SGPP2: variants seen among roughly 807,000 people sequenced by gnomAD.
SGPP2 encodes sphingosine-1-phosphate phosphatase 2, also known as sphingosine 1-phosphate phosphohydrolase 2.
In SGPP2, 30 loss-of-function variants were observed where a neutral mutation model predicts 33.9. The ratio of observed to expected loss-of-function variants is 0.89; its 90% confidence interval spans 0.66 to 1.20. The LOEUF (loss-of-function observed/expected upper bound fraction) is 1.20. SGPP2 is among the 50% of genes most tolerant of loss of function. The probability of loss-of-function intolerance (pLI) is 0.00; values close to 1 mark genes in which losing one functional copy is unlikely to be tolerated. For synonymous variants in SGPP2, 233 were observed against 225.0 expected (o/e 1.04, Z -0.32); for missense variants, 458 against 532.1 (o/e 0.86, Z 1.37).
At chr2:222,502,261 G>A (rs982304941) in intron 2 of SGPP2, among the ~76,000 whole-genome samples, 11 of 152,234 alleles carry the variant, frequency 7.2e-5, no homozygotes, top group Admixed American at 3.9e-4. Flanking sequence ...TCCCCTTCTT[G>A]TTACATCTAT....
intron 1 of SGPP2, among the ~76,000 whole-genome samples, chr2:222,468,847 A>G (rs565949694): frequency 2.6e-5 from 4 of 152,340 alleles, no homozygotes; most frequent in East Asian, 3.9e-4. Flanking sequence ...TAATACTCCA[A>G]TATCAGCAAG....
At position 222,460,444 on chromosome 2, in the gene SGPP2, C is replaced by G. The variant is rs1272527903; in HGVS notation, c.220-14124C>G. Reference sequence around the variant, plus strand: ...CGACATAAGCGGTTGAGCTTCATGGCAATATGTCTGTGACTTCTCCTTAAG... The same window carrying G: ...CGACATAAGCGGTTGAGCTTCATGGGAATATGTCTGTGACTTCTCCTTAAG... On this transcript the variant is annotated intron_variant, in intron 1 of 4. Coordinates refer to ENST00000321276, the MANE Select transcript of SGPP2 (RefSeq NM_152386.4). The surrounding 1 kb of genome is among the most constrained non-coding windows in gnomAD (Gnocchi z 4.3). 6.6e-6 allele frequency among the ~76,000 whole-genome samples: 1 copy of G among 152,088 alleles called. No homozygotes were observed. The highest frequency in any genetic ancestry group is 1.5e-5 in the Non-Finnish European group (1 of 68,000).
At chr2:222,438,745 G>C (rs1042733106) in intron 1 of SGPP2, among the ~76,000 whole-genome samples, 2 of 152,344 alleles carry the variant, frequency 1.3e-5, no homozygotes, top group African/African-American at 4.8e-5. Flanking sequence ...AAGTTGAATG[G>C]GAATGTGGTG....
At chr2:222,532,396 T>C (rs1229732138) in intron 4 of SGPP2, among the ~76,000 whole-genome samples, 3 of 152,206 alleles carry the variant, frequency 2.0e-5, no homozygotes, top group Non-Finnish European at 2.9e-5. Context: ...TCTTAGGAAG[T>C]CACTCCTTGT....
At chr2:222,464,915 C>A (rs1320984590) in intron 1 of SGPP2, among the ~76,000 whole-genome samples, 1 of 152,144 alleles carries the variant, frequency 6.6e-6, no homozygotes, top group Non-Finnish European at 1.5e-5. Context: ...AATTTGTAGT[C>A]CTGGTCCACC....
chr2:222,452,791 T>C (rs985467019), intron 1 of SGPP2: 41 of 1,543,228 alleles, frequency 2.7e-5, no homozygotes, highest in Non-Finnish European at 3.5e-5. Flanking sequence ...CTGGGGTAGG[T>C]AGGTGCTGAG....
chr2:222,459,706 C>T (rs1697630766), intron 1 of SGPP2, among the ~76,000 whole-genome samples: 1 of 152,050 alleles, frequency 6.6e-6, no homozygotes, highest in South Asian at 2.1e-4. Context: ...GAACATGAAC[C>T]TCTATCTACC....
chr2:222,482,546 A>G (rs961801556), intron 2 of SGPP2, among the ~76,000 whole-genome samples: 1 of 149,512 alleles, frequency 6.7e-6, no homozygotes, highest in Non-Finnish European at 1.5e-5. Flanking sequence ...ACAGGCATGT[A>G]GCATCACACC....
chr2:222,475,790 A>G (rs1309795635), intron 2 of SGPP2, among the ~76,000 whole-genome samples: 1 of 152,208 alleles, frequency 6.6e-6, no homozygotes, highest in Admixed American at 6.5e-5. Flanking sequence ...TACTCCAGAT[A>G]TGTAGGTTTG....
In SGPP2 at chr2:222,558,413, A is replaced by C. The variant is rs372259929; in HGVS notation, c.715A>C (p.Ile239Leu). 6.2e-7 allele frequency: 1 copy of C among 1,614,000 alleles called. No homozygotes were observed. The highest frequency in any genetic ancestry group is 8.5e-7 in the Non-Finnish European group (1 of 1,180,030). Residue 239 changes from isoleucine to leucine, a missense_variant, in exon 5 of 5, where the codon ATC (isoleucine) becomes CTC (leucine). Transcript: ENST00000321276. ...IVLTYPAWTF[I>L]DCLDSASPLF... ...CCTCACCTACCCTGCCTGGACCTTC[A>C]TCGACTGCCTGGACTCGGCCAGCCC...
intron 2 of SGPP2, among the ~76,000 whole-genome samples, chr2:222,520,378 GA>G (rs1271069085): frequency 1.3e-5 from 2 of 151,534 alleles, no homozygotes; most frequent in Non-Finnish European, 1.5e-5. Flanking sequence ...CTTCTGCTTT[GA>G]AAAAAAGGAG....
intron 1 of SGPP2, among the ~76,000 whole-genome samples, chr2:222,430,589 G>A (rs1697139241): frequency 6.6e-6 from 1 of 152,162 alleles, no homozygotes; most frequent in Non-Finnish European, 1.5e-5. Context: ...AAAGTGCTGG[G>A]ATTGCAGGCA....
intron 4 of SGPP2, among the ~76,000 whole-genome samples, chr2:222,552,861 A>C (rs1366975107): frequency 6.6e-6 from 1 of 151,598 alleles, no homozygotes; most frequent in Non-Finnish European, 1.5e-5. Flanking sequence ...ACTCCATCTC[A>C]AACAAACAAA....
intron 3 of SGPP2, among the ~76,000 whole-genome samples, chr2:222,523,169 T>C (rs55993738): frequency 6.6e-6 from 1 of 152,106 alleles, no homozygotes; most frequent in African/African-American, 2.4e-5. Flanking sequence ...TCTACCACTG[T>C]AGCCTTCTAC....
intron 4 of SGPP2, among the ~76,000 whole-genome samples, chr2:222,533,396 G>C (rs1413855440): frequency 6.6e-6 from 1 of 152,180 alleles, no homozygotes; most frequent in Non-Finnish European, 1.5e-5. Flanking sequence ...TTGGCAGGGG[G>C]ACAGGTCGCA....
chr2:222,485,393 C>A (rs965827453), intron 2 of SGPP2, among the ~76,000 whole-genome samples: 1 of 152,168 alleles, frequency 6.6e-6, no homozygotes, highest in African/African-American at 2.4e-5. Context: ...GACTGAGTGT[C>A]CCAGATTTTT....
intron 4 of SGPP2, among the ~76,000 whole-genome samples, chr2:222,536,342 A>G (rs940844188): frequency 6.6e-6 from 1 of 152,198 alleles, no homozygotes; most frequent in Non-Finnish European, 1.5e-5. Flanking sequence ...AATATACTCT[A>G]TTTTAGCTGA....
chr2:222,475,692 C>T (rs1221363205), intron 2 of SGPP2, among the ~76,000 whole-genome samples: 1 of 152,296 alleles, frequency 6.6e-6, no homozygotes, highest in African/African-American at 2.4e-5. Flanking sequence ...ACTGGTAACC[C>T]TGGCATTTAA....
chr2:222,451,523 G>A (rs1461885025), intron 1 of SGPP2, among the ~76,000 whole-genome samples: 2 of 152,226 alleles, frequency 1.3e-5, no homozygotes, highest in African/African-American at 4.8e-5. Context: ...AAACTGCAGA[G>A]CAGATGTCTG....
Sources: allele counts gnomAD v4.1 joint callset (sites outside exome capture counted in the v4.1 genomes callset), GRCh38; gene constraint gnomAD v4.1.1; non-coding constraint Gnocchi (gnomAD v3.1); transcripts MANE v1.5; gene names NCBI Gene and HGNC (gene_info 2026-07-23, HGNC 2026-07-21).